GBE1: variants seen among roughly 807,000 people sequenced by gnomAD.
GBE1 encodes 1,4-alpha-glucan-branching enzyme.
A neutral mutation model predicts 88.8 loss-of-function variants in GBE1; 70 were observed. That is an observed-to-expected ratio of 0.79 (90% confidence interval 0.65 to 0.96). The LOEUF (loss-of-function observed/expected upper bound fraction) is 0.96, where lower values mean the gene tolerates loss of function less well. Among genes scored for constraint, GBE1 ranks in the 40% least tolerant of loss-of-function variants. GBE1 has a pLI of 0.00. For synonymous variants in GBE1, 284 were observed against 300.1 expected (o/e 0.95, Z 0.56); for missense variants, 872 against 871.0 (o/e 1.00, Z -0.01).
intron 4 of GBE1, among the ~76,000 whole-genome samples, chr3:81,649,322 G>A (rs1576184861): frequency 6.6e-6 from 1 of 152,108 alleles, no homozygotes; most frequent in East Asian, 1.9e-4. Flanking sequence ...AAACTCCAAT[G>A]ATTTAAAAGA....
intron 1 of GBE1, among the ~76,000 whole-genome samples, chr3:81,710,215 C>G (rs181832634): frequency 6.5e-4 from 92 of 140,678 alleles, no homozygotes; most frequent in Admixed American, 1.2e-3. Flanking sequence ...TGTTGTTTTA[C>G]TCTTAAGGTA....
chr3:81,583,721 G>A (rs1047683941), intron 10 of GBE1, among the ~76,000 whole-genome samples: 8 of 151,986 alleles, frequency 5.3e-5, no homozygotes, highest in Admixed American at 6.6e-5. Flanking sequence ...GATCTCATTC[G>A]TGGTTGCCAG....
chr3:81,538,824 A>C (rs867290702), intron 12 of GBE1, among the ~76,000 whole-genome samples: 15 of 152,138 alleles, frequency 9.9e-5, no homozygotes, highest in South Asian at 6.2e-4. Context: ...AGGTAGCGAT[A>C]GTATATTAGC....
At chr3:81,645,609 T>C (rs1704751769) in intron 6 of GBE1, among the ~76,000 whole-genome samples, 1 of 152,098 alleles carries the variant, frequency 6.6e-6, no homozygotes, top group South Asian at 2.1e-4. Context: ...GAGAAACAGG[T>C]AAATGAACCA....
intron 14 of GBE1, among the ~76,000 whole-genome samples, chr3:81,511,605 A>G (rs1198854596): frequency 6.6e-6 from 1 of 152,066 alleles, no homozygotes; most frequent in Non-Finnish European, 1.5e-5. Context: ...ACTAATTATT[A>G]GAGAAATGCA....
chr3:81,572,716 G>A (rs1181085783), intron 12 of GBE1, among the ~76,000 whole-genome samples: 1 of 151,934 alleles, frequency 6.6e-6, no homozygotes, highest in Non-Finnish European at 1.5e-5. Flanking sequence ...TTCTTCTCTT[G>A]TTTTTTATAA....
At chr3:81,684,998 C>T (rs1705412040) in intron 2 of GBE1, among the ~76,000 whole-genome samples, 1 of 152,120 alleles carries the variant, frequency 6.6e-6, no homozygotes, top group East Asian at 1.9e-4. Flanking sequence ...TTACAACATG[C>T]CTAGCATTAA....
chr3:81,725,944 A>G (rs1706106307), intron 1 of GBE1, among the ~76,000 whole-genome samples: 1 of 152,200 alleles, frequency 6.6e-6, no homozygotes, highest in African/African-American at 2.4e-5. Context: ...GTCATTCCCC[A>G]GAGTTGATGA....
At chr3:81,703,974 G>C (rs923155660) in intron 2 of GBE1, among the ~76,000 whole-genome samples, 2 of 151,820 alleles carry the variant, frequency 1.3e-5, no homozygotes, top group African/African-American at 2.4e-5. Flanking sequence ...TGGTATCCAC[G>C]AGAAGTTGTA....
At chr3:81,530,113 T>G (rs1222654824) in intron 14 of GBE1, among the ~76,000 whole-genome samples, 1 of 151,958 alleles carries the variant, frequency 6.6e-6, no homozygotes, top group Non-Finnish European at 1.5e-5. Context: ...GAAACTCTGA[T>G]GCATTCTTCA....
At chr3:81,725,494 G>A (rs571475757) in intron 1 of GBE1, among the ~76,000 whole-genome samples, 189 of 152,184 alleles carry the variant, frequency 1.2e-3, no homozygotes, top group African/African-American at 4.3e-3. Context: ...TGAAGAGCCT[G>A]CCTGAGGATG....
intron 3 of GBE1, among the ~76,000 whole-genome samples, chr3:81,661,633 G>A (rs1705033327): frequency 6.6e-6 from 1 of 152,104 alleles, no homozygotes; most frequent in Non-Finnish European, 1.5e-5. Flanking sequence ...TCTTAAAGAT[G>A]CCTTAGACTG....
chr3:81,622,293 T>C (rs1704343720), intron 7 of GBE1, among the ~76,000 whole-genome samples: 1 of 152,228 alleles, frequency 6.6e-6, no homozygotes, highest in African/African-American at 2.4e-5. Flanking sequence ...TAAATTAAAC[T>C]CTGCAAATGC....
intron 14 of GBE1, among the ~76,000 whole-genome samples, chr3:81,520,462 T>C (rs890002750): frequency 2.0e-5 from 3 of 151,588 alleles, no homozygotes; most frequent in Admixed American, 6.6e-5. Context: ...TATAATCATT[T>C]GTATTGTTCA....
intron 3 of GBE1, among the ~76,000 whole-genome samples, chr3:81,651,280 C>T (rs1026650869): frequency 6.6e-6 from 1 of 152,128 alleles, no homozygotes; most frequent in Admixed American, 6.5e-5. Flanking sequence ...AATAACCAAG[C>T]GGCAGAGCCA....
chr3:81,526,434 C>T (rs866599138), intron 14 of GBE1, among the ~76,000 whole-genome samples: 16 of 151,946 alleles, frequency 1.1e-4, no homozygotes, highest in African/African-American at 2.7e-4. Context: ...TCAAATTGTC[C>T]CTGTTTGCAG....
intron 14 of GBE1, among the ~76,000 whole-genome samples, chr3:81,512,380 G>T (rs192955951): frequency 6.6e-6 from 1 of 151,776 alleles, no homozygotes; most frequent in East Asian, 1.9e-4. Flanking sequence ...AATAAAAGTA[G>T]AACTTAAAAA....
intron 2 of GBE1, among the ~76,000 whole-genome samples, chr3:81,702,157 G>A (rs929606954): frequency 8.5e-6 from 1 of 117,748 alleles, no homozygotes; most frequent in East Asian, 2.6e-4. Flanking sequence ...GTGTGTGTGT[G>A]TGTTAAGGCA....
intron 3 of GBE1, among the ~76,000 whole-genome samples, chr3:81,650,739 A>G (rs1436160984): frequency 6.6e-6 from 1 of 152,186 alleles, no homozygotes; most frequent in Non-Finnish European, 1.5e-5. Flanking sequence ...ATCGCAGCTC[A>G]CTGCAGCCTC....
Sources: allele counts gnomAD v4.1 joint callset (sites outside exome capture counted in the v4.1 genomes callset), GRCh38; gene constraint gnomAD v4.1.1; transcripts MANE v1.5; gene names NCBI Gene and HGNC (gene_info 2026-07-23, HGNC 2026-07-21).